Variants in SESTD1 observed in about 807,000 individuals in gnomAD.
SESTD1 encodes the protein SEC14 and spectrin domain containing 1.
SESTD1 carries 43 observed loss-of-function variants against 101.7 expected under a neutral mutation model. The ratio of observed to expected loss-of-function variants is 0.42; its 90% confidence interval spans 0.33 to 0.55. The LOEUF is 0.55. Among genes scored for constraint, SESTD1 ranks in the 20% least tolerant of loss-of-function variants. The probability of loss-of-function intolerance (pLI) is 0.07; values close to 1 mark genes in which losing one functional copy is unlikely to be tolerated. For synonymous variants in SESTD1, 283 were observed against 286.8 expected, an observed-to-expected ratio of 0.99 and a Z score of 0.13; for missense variants, 647 against 815.1, an observed-to-expected ratio of 0.79 and a Z score of 2.51.
chr2:179,200,453 CG>C lies in SESTD1; in HGVS notation c.-25-8588del, dbSNP rs1487230542. Among the ~76,000 whole-genome samples, 3 of 148,810 alleles carry C rather than the reference CG, an allele frequency of 2.0e-5. No individual in the cohort carries two copies. In the East Asian group the frequency reaches 5.8e-4, roughly 29 times the overall value. On this transcript the variant is annotated intron_variant, in intron 1 of 17. Coordinates refer to ENST00000428443, the MANE Select transcript of SESTD1 (RefSeq NM_178123.5). ...GTTCATATGGAACCAAAAAAGAGCCCGCATCACCAAGTCAATCCTAAGCCAA... is the reference window on the plus strand; with the variant it reads ...GTTCATATGGAACCAAAAAAGAGCCCCATCACCAAGTCAATCCTAAGCCAA...
At chr2:179,113,268 A>T (rs944427440) in intron 16 of SESTD1, among the ~76,000 whole-genome samples, 3 of 152,234 alleles carry the variant, frequency 2.0e-5, no homozygotes, top group Non-Finnish European at 4.4e-5. Context: ...CTGTGTTCTC[A>T]AAGAGCATAT....
At position 179,107,855 on chromosome 2, in the gene SESTD1, TAAA is replaced by T. The variant is rs911931400; in HGVS notation, c.*2041_*2043del. ...GATAGCACCATCATGAAGACTGAAA[TAAA>T]TAATCACAAAAGTTCATACTCATAG... On this transcript the variant is annotated 3_prime_UTR_variant, in exon 18 of 18. Transcript: ENST00000428443. 2.0e-5 allele frequency: 3 copies of T among 151,870 alleles called. No homozygotes were observed. Among genetic ancestry groups the T allele is most frequent in the Non-Finnish European group, 2.9e-5 (2 of 67,980 alleles). The allele number at this position is 151,870 out of a possible 1,614,324, so 9.4% of individuals were successfully genotyped here. A position where few individuals can be genotyped will look rare whatever the true frequency, so the allele number is the denominator to read the frequency against.
chr2:179,190,185 A>T (rs564323039), intron 2 of SESTD1, among the ~76,000 whole-genome samples: 3 of 152,326 alleles, frequency 2.0e-5, no homozygotes, highest in Non-Finnish European at 2.9e-5. Flanking sequence ...ACAGCATGGT[A>T]CTAGTACAGA....
intron 7 of SESTD1, 138 bp downstream of exon 7, chr2:179,149,156 CACG>C (rs984670169): frequency 9.0e-6 from 4 of 444,720 alleles, no homozygotes; most frequent in Admixed American, 4.9e-5. Context: ...TTCAAATTCT[CACG>C]AATATTGTAC....
chr2:179,113,967 G>C (rs776243020), intron 16 of SESTD1, among the ~76,000 whole-genome samples: 1 of 118,352 alleles, frequency 8.4e-6, no homozygotes, highest in African/African-American at 2.6e-5. Context: ...TACACAGGGT[G>C]GGGGGAGCTT....
rs116634879 is a variant in SESTD1 at position 179,244,829 on chromosome 2, G to A, written c.-26+19670C>T. ...TGACACCTGAAGCAAGGATATAGCTGTCTGACATGATTCTAAATGTGTGTA... is the reference window on the plus strand; with the variant it reads ...TGACACCTGAAGCAAGGATATAGCTATCTGACATGATTCTAAATGTGTGTA... On this transcript the variant is annotated intron_variant, in intron 1 of 17. Transcript: ENST00000428443. Among the ~76,000 whole-genome samples, 685 of 152,280 alleles carry A rather than the reference G, an allele frequency of 4.5e-3. 1 individual carries two copies. The highest frequency in any genetic ancestry group is 0.016 in the African/African-American group (652 of 41,550).
intron 2 of SESTD1, among the ~76,000 whole-genome samples, chr2:179,187,964 TAGAC>T (rs1235209968): frequency 6.6e-6 from 1 of 152,172 alleles, no homozygotes; most frequent in Non-Finnish European, 1.5e-5. Flanking sequence ...CAAGATGAAT[TAGAC>T]AGCCACACAA....
rs2044418930 is a variant in SESTD1, at chr2:179,107,879, CAT to C, written c.*2018_*2019del. 1 of 152,104 alleles carries C rather than the reference CAT, an allele frequency of 6.6e-6. No homozygotes were observed. The highest frequency in any genetic ancestry group is 1.5e-5 in the Non-Finnish European group (1 of 68,016). The allele number at this position is 152,104 out of a possible 1,614,324, so 9.4% of individuals were successfully genotyped here. A position where few individuals can be genotyped will look rare whatever the true frequency, so the allele number is the denominator to read the frequency against. ...ATAAATAATCACAAAAGTTCATACTCATAGCAGTAAAGCCCCAAAGGACTGAG... is the reference window on the plus strand; with the variant it reads ...ATAAATAATCACAAAAGTTCATACTCAGCAGTAAAGCCCCAAAGGACTGAG... On this transcript the variant is annotated 3_prime_UTR_variant, in exon 18 of 18. Coordinates refer to ENST00000428443, the MANE Select transcript of SESTD1 (RefSeq NM_178123.5).
chr2:179,139,006 T>C (rs1164223386), intron 9 of SESTD1, among the ~76,000 whole-genome samples: 4 of 152,326 alleles, frequency 2.6e-5, no homozygotes, highest in Non-Finnish European at 4.4e-5. Flanking sequence ...AAAACAATTA[T>C]GTAATCCTCA....
At chr2:179,257,247 A>C (rs1006320131) in intron 1 of SESTD1, among the ~76,000 whole-genome samples, 2 of 152,172 alleles carry the variant, frequency 1.3e-5, no homozygotes, top group African/African-American at 4.8e-5. Flanking sequence ...GCAAGAAAGT[A>C]ATTACCATAG....
At chr2:179,216,747 A>G (rs2046726908) in intron 1 of SESTD1, among the ~76,000 whole-genome samples, 4 of 135,302 alleles carry the variant, frequency 3.0e-5, no homozygotes, top group African/African-American at 1.2e-4. Flanking sequence ...ACAAGTCTAC[A>G]GTAACCAAAA....
At chr2:179,256,236 G>C (rs1261577854) in intron 1 of SESTD1, among the ~76,000 whole-genome samples, 1 of 152,196 alleles carries the variant, frequency 6.6e-6, no homozygotes, top group Admixed American at 6.5e-5. Context: ...CATAGATAGT[G>C]ATTTCTCTGA....
chr2:179,215,575 G>A (rs746374947), intron 1 of SESTD1, among the ~76,000 whole-genome samples: 8 of 134,252 alleles, frequency 6.0e-5, no homozygotes, highest in Non-Finnish European at 1.1e-4. Context: ...AGAGGAGCTG[G>A]TACCATTCCT....
chr2:179,245,464 C>T (rs182853726), intron 1 of SESTD1, among the ~76,000 whole-genome samples: 122 of 139,620 alleles, frequency 8.7e-4, no homozygotes, highest in Non-Finnish European at 1.0e-3. Flanking sequence ...TGCAGTGAGC[C>T]GAGATTGTGC....
intron 1 of SESTD1, among the ~76,000 whole-genome samples, chr2:179,230,111 C>CTTTTTTTTTTTTTTTT (rs1559153333): frequency 1.2e-5 from 1 of 80,358 alleles, no homozygotes; most frequent in African/African-American, 3.6e-5. Flanking sequence ...TGGATTGTAT[C>CTTTTTTTTTTTTTTTT]TCTTTTTTTT....
At chr2:179,139,461 T>C (rs2045228403) in intron 9 of SESTD1, among the ~76,000 whole-genome samples, 1 of 152,222 alleles carries the variant, frequency 6.6e-6, no homozygotes, top group Non-Finnish European at 1.5e-5. Context: ...TTGCAGCATG[T>C]TGAACATTAA....
At chr2:179,257,799 G>A (rs968249715) in intron 1 of SESTD1, among the ~76,000 whole-genome samples, 1 of 152,132 alleles carries the variant, frequency 6.6e-6, no homozygotes, top group Admixed American at 6.5e-5. Flanking sequence ...GGAAAACCCA[G>A]GCAATCTAAG....
At chr2:179,150,410 G>A (rs553044531) in intron 6 of SESTD1, among the ~76,000 whole-genome samples, 5 of 151,314 alleles carry the variant, frequency 3.3e-5, no homozygotes, top group Admixed American at 1.3e-4. Context: ...TGCCAAAGAC[G>A]ATACATTTTC....
Position 179,132,404 on chromosome 2 carries a change from G to T in SESTD1, c.872C>A (p.Pro291His). Residue 291 changes from proline to histidine, a missense_variant, in exon 10 of 18, where the codon CCT becomes CAT. Physicochemically the swap from Pro to His is moderately conservative, Grantham distance 77 (BLOSUM62 -2). Transcript: ENST00000428443. ...VMQVVNWLEG[P>H]GSEQLRAQWG... ...CTGGGCTCTTAGTTGTTCTGATCCA[G>T]GCCCTTCTAGCCAGTTCACCACCTA... is the stretch of plus-strand genomic sequence containing the variant. 1 of 1,561,188 alleles carries T rather than the reference G, an allele frequency of 6.4e-7. No homozygotes were observed. Among genetic ancestry groups the T allele is most frequent in the Non-Finnish European group, 8.6e-7 (1 of 1,162,646 alleles).
Sources: allele counts gnomAD v4.1 joint callset (sites outside exome capture counted in the v4.1 genomes callset), GRCh38; gene constraint gnomAD v4.1.1; transcripts MANE v1.5; gene names NCBI Gene and HGNC (gene_info 2026-07-23, HGNC 2026-07-21).